PDE10A: variants seen among roughly 807,000 people sequenced by gnomAD.
PDE10A encodes the protein cAMP and cAMP-inhibited cGMP 3',5'-cyclic phosphodiesterase 10A.
A neutral mutation model predicts 97.7 loss-of-function variants in PDE10A; 39 were observed. The observed-to-expected ratio is 0.40, with a 90% CI of 0.31 to 0.52. PDE10A has a LOEUF of 0.52. Ranked by LOEUF, PDE10A falls within the 20% of genes least tolerant of loss-of-function variation. PDE10A has a pLI of 0.56. For missense variants in PDE10A, 731 were observed against 1,047.8 expected (o/e 0.70, Z 4.17); for synonymous variants, 371 against 376.8 (o/e 0.98, Z 0.18).
chr6:165,646,095 G>C (rs1583706646), intron 1 of PDE10A, among the ~76,000 whole-genome samples: 1 of 152,288 alleles, frequency 6.6e-6, no homozygotes, highest in Admixed American at 6.5e-5. Context: ...CACAGACCAG[G>C]GAACAGTTCC....
chr6:165,478,136 G>A (rs1178683235), intron 3 of PDE10A, among the ~76,000 whole-genome samples: 5 of 152,034 alleles, frequency 3.3e-5, no homozygotes, highest in Non-Finnish European at 5.9e-5. Context: ...CTCCAATTCC[G>A]TATCTGATTC....
intron 1 of PDE10A, 148 bp from the exon 2 acceptor site, chr6:165,543,716 G>A: frequency 3.6e-6 from 2 of 558,966 alleles, no homozygotes; most frequent in South Asian, 5.5e-5. Context: ...GGAAGCTACT[G>A]CTTAGTGGGT....
intron 17 of PDE10A, among the ~76,000 whole-genome samples, chr6:165,384,810 C>T (rs1785184282): frequency 6.6e-6 from 1 of 152,142 alleles, no homozygotes; most frequent in Admixed American, 6.6e-5. Context: ...ATAGTGAAAG[C>T]TGGCACTCAG....
At chr6:165,520,866 T>C (rs1187499628) in intron 2 of PDE10A, among the ~76,000 whole-genome samples, 2 of 152,058 alleles carry the variant, frequency 1.3e-5, no homozygotes, top group Non-Finnish European at 2.9e-5. Context: ...AAAGGAAGCT[T>C]TCTCTAAAAC....
At chr6:165,606,633 T>C (rs1315855380) in intron 1 of PDE10A, among the ~76,000 whole-genome samples, 1 of 152,058 alleles carries the variant, frequency 6.6e-6, no homozygotes, top group Non-Finnish European at 1.5e-5. Context: ...ACATCACTAA[T>C]GACTATAGTG....
rs757034096 is a variant in PDE10A, at chr6:165,951,707, C to G, written c.-615+35822G>C. On this transcript the variant is annotated intron_variant, in intron 1 of 19. Transcript: ENST00000366882. ...TTCTCCAGCACTGTCCTCTGCCTGC[C>G]GTTTCTTCTAGTTTAATTTTTTAGG... Among the ~76,000 whole-genome samples the G allele has an allele frequency of 3.9e-4, 60 of 152,250 alleles. 1 individual carries two copies. In the Middle Eastern group the frequency reaches 0.014, roughly 35 times the overall value.
intron 1 of PDE10A, among the ~76,000 whole-genome samples, chr6:165,827,331 A>T (rs1398217474): frequency 6.6e-6 from 1 of 152,144 alleles, no homozygotes; most frequent in Non-Finnish European, 1.5e-5. Flanking sequence ...CCCGGTGTCC[A>T]GCTCGAGACC....
intron 13 of PDE10A, among the ~76,000 whole-genome samples, chr6:165,402,365 ATAAT>A (rs1056843067): frequency 2.0e-5 from 3 of 152,216 alleles, no homozygotes; most frequent in South Asian, 2.1e-4. Flanking sequence ...ACAGCACAAA[ATAAT>A]TAGTTTTAGA....
chr6:165,907,035 G>A (rs190978244), intron 1 of PDE10A, among the ~76,000 whole-genome samples: 33 of 152,302 alleles, frequency 2.2e-4, no homozygotes, highest in African/African-American at 7.5e-4. Flanking sequence ...CTTTCTTTAC[G>A]GGCCAGGCAA....
At chr6:165,788,065 G>A (rs1778541672) in intron 1 of PDE10A, among the ~76,000 whole-genome samples, 1 of 152,106 alleles carries the variant, frequency 6.6e-6, no homozygotes, top group Admixed American at 6.5e-5. Flanking sequence ...TTACTAAGAT[G>A]GAAAGCCATC....
intron 1 of PDE10A, among the ~76,000 whole-genome samples, chr6:165,827,071 G>A (rs1166092140): frequency 2.0e-5 from 3 of 152,162 alleles, no homozygotes; most frequent in African/African-American, 4.8e-5. Flanking sequence ...GTGGCCTGCC[G>A]GGTAGGGCAC....
intron 1 of PDE10A, among the ~76,000 whole-genome samples, chr6:165,826,954 A>G (rs1376248388): frequency 1.3e-5 from 2 of 151,246 alleles, no homozygotes; most frequent in East Asian, 3.9e-4. Flanking sequence ...GGAGGTAGGA[A>G]GTGGGGACAG....
intron 1 of PDE10A, among the ~76,000 whole-genome samples, chr6:165,673,648 C>T (rs1378601031): frequency 1.3e-5 from 2 of 152,228 alleles, no homozygotes; most frequent in African/African-American, 4.8e-5. Flanking sequence ...TGTCTTCACA[C>T]TTTCATGTTT....
At chr6:165,591,928 G>T (rs73022170) in intron 1 of PDE10A, among the ~76,000 whole-genome samples, 29,258 of 151,914 alleles carry the variant, frequency 0.19, 2,927 homozygotes, top group African/African-American at 0.25. Flanking sequence ...AGACAAAAAT[G>T]CTATAGTAGC....
intron 1 of PDE10A, among the ~76,000 whole-genome samples, chr6:165,716,417 C>A (rs1043972267): frequency 6.6e-6 from 1 of 152,236 alleles, no homozygotes; most frequent in Admixed American, 6.5e-5. Context: ...AAACTGACTG[C>A]ACACCTTATC....
upstream of PDE10A, among the ~76,000 whole-genome samples, chr6:165,667,198 T>C (rs1238469106): frequency 6.6e-6 from 1 of 152,176 alleles, no homozygotes; most frequent in Non-Finnish European, 1.5e-5. Flanking sequence ...TTCAATTAAA[T>C]TGTTTTTATT....
rs546530447 is a variant in PDE10A, at chr6:165,762,812, T to C, written c.-614-219244A>G. ...AGCCCATCTCTGGAATGGTGTTCCA[T>C]GCAGTTCTACCCAAACACCAGGTGC... is the stretch of plus-strand genomic sequence containing the variant. On this transcript the variant is annotated intron_variant, in intron 1 of 19. Transcript: ENST00000366882. Among the ~76,000 whole-genome samples the C allele has an allele frequency of 3.9e-5, 6 of 152,342 alleles. No homozygotes were observed. The South Asian group carries it at 1.2e-3, about 32-fold the overall frequency.
intron 1 of PDE10A, among the ~76,000 whole-genome samples, chr6:165,791,561 C>T (rs1778650204): frequency 6.6e-6 from 1 of 152,192 alleles, no homozygotes; most frequent in Non-Finnish European, 1.5e-5. Flanking sequence ...TCTGTCCACA[C>T]TTTCTGAGAC....
chr6:165,444,672 GTATT>G (rs944067055), intron 5 of PDE10A, among the ~76,000 whole-genome samples: 1 of 150,900 alleles, frequency 6.6e-6, no homozygotes, highest in Admixed American at 6.6e-5. Flanking sequence ...GTGCTTTTTA[GTATT>G]TAGTTTTGTT....
Sources: gnomAD v4.1 joint callset for allele counts (sites outside exome capture counted in the v4.1 genomes callset) on GRCh38, gnomAD v4.1.1 for gene constraint, MANE v1.5 for transcripts, NCBI Gene and HGNC (gene_info 2026-07-23, HGNC 2026-07-21) for gene names.